STK39: variants seen among roughly 807,000 people sequenced by gnomAD.
The protein encoded by STK39 is STE20/SPS1-related proline-alanine-rich protein kinase.
Under a neutral mutation model 77.8 loss-of-function variants are expected in STK39, and 20 were observed. That is an observed-to-expected ratio of 0.26 (90% CI 0.18 to 0.37). The LOEUF (loss-of-function observed/expected upper bound fraction) is 0.37, where lower values mean the gene tolerates loss of function less well. Among genes scored for constraint, STK39 ranks in the 10% least tolerant of loss-of-function variants. The probability of loss-of-function intolerance (pLI) is 1.00; values close to 1 mark genes in which losing one functional copy is unlikely to be tolerated. For missense variants in STK39, 479 were observed against 656.5 expected (o/e 0.73, Z 2.95); for synonymous variants, 246 against 234.1 (o/e 1.05, Z -0.47).
chr2:168,164,539 T>C (rs1009857372), intron 3 of STK39, among the ~76,000 whole-genome samples: 1 of 152,184 alleles, frequency 6.6e-6, no homozygotes, highest in Non-Finnish European at 1.5e-5. Context: ...CCCAAGTAGC[T>C]GGGACTACAA....
In STK39 at chr2:168,046,444, C is replaced by T. The variant is rs747515249; in HGVS notation, c.1376+17056G>A. ...CGGCAGAGTGCAGAGAAGGAGCAGC[C>T]GTTCAGCATCCACGCACACCTACCC... On this transcript the variant is annotated intron_variant, in intron 14 of 17. Transcript: ENST00000355999. Among the ~76,000 whole-genome samples, 6 of 152,138 alleles carry T rather than the reference C, an allele frequency of 3.9e-5. No homozygotes were observed. In the South Asian group the frequency reaches 8.3e-4, roughly 21 times the overall value.
intron 12 of STK39, among the ~76,000 whole-genome samples, chr2:168,073,475 G>C (rs1204108753): frequency 6.6e-6 from 1 of 152,194 alleles, no homozygotes; most frequent in African/African-American, 2.4e-5. Flanking sequence ...CTGCACCTTA[G>C]ATAAAATGAG....
chr2:168,116,356 G>T (rs1687257677), intron 10 of STK39, among the ~76,000 whole-genome samples: 1 of 152,184 alleles, frequency 6.6e-6, no homozygotes, highest in Non-Finnish European at 1.5e-5. Flanking sequence ...AAAGTCATTA[G>T]ACACTCTTCT....
At chr2:168,089,783 T>G (rs192214337) in intron 10 of STK39, among the ~76,000 whole-genome samples, 1 of 152,278 alleles carries the variant, frequency 6.6e-6, no homozygotes, top group African/African-American at 2.4e-5. Flanking sequence ...CCAGCTAACT[T>G]TGTATTTTTA....
chr2:168,016,517 T>C (rs865787135), intron 15 of STK39, among the ~76,000 whole-genome samples: 4 of 152,224 alleles, frequency 2.6e-5, no homozygotes, highest in Middle Eastern at 3.4e-3. Flanking sequence ...TGTGTCTTCC[T>C]GCAGGTAATA....
intron 17 of STK39, among the ~76,000 whole-genome samples, chr2:167,963,512 T>C (rs1692057605): frequency 6.7e-6 from 1 of 150,224 alleles, no homozygotes. Flanking sequence ...CTCATCAATA[T>C]ACTCTCACAT....
chr2:168,148,064 T>A (rs968032520), intron 5 of STK39, among the ~76,000 whole-genome samples: 17 of 152,234 alleles, frequency 1.1e-4, no homozygotes, highest in Admixed American at 3.9e-4. Context: ...TAGGCCATAA[T>A]TCAGCATTTA....
At chr2:168,000,172 T>C (rs1306026175) in intron 16 of STK39, among the ~76,000 whole-genome samples, 3 of 152,356 alleles carry the variant, frequency 2.0e-5, no homozygotes, top group Admixed American at 6.5e-5. Flanking sequence ...ATTATGCCTA[T>C]AAGATTAAAC....
intron 14 of STK39, among the ~76,000 whole-genome samples, chr2:168,036,560 T>A (rs190538784): frequency 6.6e-6 from 1 of 152,324 alleles, no homozygotes; most frequent in Admixed American, 6.5e-5. Flanking sequence ...TCCATATAAT[T>A]AGACAATAGG....
At chr2:167,999,090 C>G (rs6433022) in intron 16 of STK39, among the ~76,000 whole-genome samples, 27,493 of 152,094 alleles carry the variant, frequency 0.18, 2,740 homozygotes, top group East Asian at 0.43. Flanking sequence ...TGGCCCCTGC[C>G]CCCTCCCCAT....
chr2:168,136,756 A>G (rs915403137), intron 8 of STK39, among the ~76,000 whole-genome samples: 3 of 152,240 alleles, frequency 2.0e-5, no homozygotes, highest in African/African-American at 7.2e-5. Flanking sequence ...TTGGAAAACA[A>G]AATTAGAATC....
intron 2 of STK39, among the ~76,000 whole-genome samples, chr2:168,175,617 G>C (rs1443981457): frequency 6.6e-6 from 1 of 152,132 alleles, no homozygotes; most frequent in Non-Finnish European, 1.5e-5. Context: ...TACAACTTTA[G>C]TGCTCTAAAA....
intron 10 of STK39, among the ~76,000 whole-genome samples, chr2:168,081,038 G>A (rs1432166284): frequency 3.9e-5 from 6 of 152,202 alleles, no homozygotes; most frequent in African/African-American, 1.4e-4. Flanking sequence ...GGGCTCTCAT[G>A]AAGAACCTCT....
chr2:168,201,862 A>G (rs1689619727), intron 1 of STK39, among the ~76,000 whole-genome samples: 1 of 152,230 alleles, frequency 6.6e-6, no homozygotes, highest in Non-Finnish European at 1.5e-5. Flanking sequence ...TTCTTAGGAC[A>G]CTGAGTCAAA....
chr2:168,240,358 C>A (rs1336522310), intron 1 of STK39, among the ~76,000 whole-genome samples: 1 of 152,180 alleles, frequency 6.6e-6, no homozygotes, highest in African/African-American at 2.4e-5. Flanking sequence ...ATAGCAGTAT[C>A]TTTCTGGTAG....
intron 10 of STK39, among the ~76,000 whole-genome samples, chr2:168,079,801 T>TGTTA (rs1686178974): frequency 6.6e-6 from 1 of 152,240 alleles, no homozygotes. Context: ...ATTCATACAA[T>TGTTA]GTTAGGTACT....
intron 16 of STK39, among the ~76,000 whole-genome samples, chr2:167,981,790 A>G (rs564883450): frequency 6.6e-6 from 1 of 152,340 alleles, no homozygotes; most frequent in South Asian, 2.1e-4. Context: ...CTGAAAGATC[A>G]TCCCAATAAC....
intron 1 of STK39, among the ~76,000 whole-genome samples, chr2:168,235,529 G>A (rs1690579504): frequency 1.3e-5 from 2 of 151,686 alleles, no homozygotes; most frequent in South Asian, 2.1e-4. Context: ...CATGTGCCAT[G>A]TTGGTGTGCT....
intron 16 of STK39, among the ~76,000 whole-genome samples, chr2:167,983,720 G>C (rs1186388613): frequency 1.3e-5 from 2 of 152,116 alleles, no homozygotes; most frequent in African/African-American, 4.8e-5. Flanking sequence ...TGGGAATGCA[G>C]CACTCTCTGT....
Sources: allele counts gnomAD v4.1 joint callset (sites outside exome capture counted in the v4.1 genomes callset), GRCh38; gene constraint gnomAD v4.1.1; transcripts MANE v1.5; gene names NCBI Gene and HGNC (gene_info 2026-07-23, HGNC 2026-07-21).